SEMA4D: variants seen among roughly 807,000 people sequenced by gnomAD.
The protein encoded by SEMA4D is semaphorin 4D, also known as semaphorin-4D.
SEMA4D carries 22 observed loss-of-function variants against 74.8 expected under a neutral mutation model. The ratio of observed to expected loss-of-function variants is 0.29; its 90% CI spans 0.21 to 0.42. The LOEUF is 0.42. Among genes scored for constraint, SEMA4D ranks in the 10% least tolerant of loss-of-function variants. The pLI is 1.00. For synonymous variants in SEMA4D, 445 were observed against 463.7 expected, an observed-to-expected ratio of 0.96 and a Z score of 0.52; for missense variants, 937 against 1,118.4, an observed-to-expected ratio of 0.84 and a Z score of 2.31.
At chr9:89,432,561 G>A (rs1411422558) in intron 2 of SEMA4D, among the ~76,000 whole-genome samples, 1 of 152,202 alleles carries the variant, frequency 6.6e-6, no homozygotes, top group Non-Finnish European at 1.5e-5. Flanking sequence ...ACCCCGTGGG[G>A]ATTTGCAGGC....
At chr9:89,466,088 T>C (rs1037290166) in intron 1 of SEMA4D, among the ~76,000 whole-genome samples, 2 of 152,114 alleles carry the variant, frequency 1.3e-5, no homozygotes, top group African/African-American at 2.4e-5. Context: ...CAAGGCACCA[T>C]GAAGGGGCAG....
intron 2 of SEMA4D, among the ~76,000 whole-genome samples, chr9:89,442,708 A>T (rs1245414422): frequency 6.6e-6 from 1 of 152,134 alleles, no homozygotes; most frequent in African/African-American, 2.4e-5. Context: ...ATGCAAGGGG[A>T]GGGGAGGGTT....
At chr9:89,368,116 T>G (rs1833963969) in intron 16 of SEMA4D, 1 of 152,564 alleles carries the variant, frequency 6.6e-6, no homozygotes, top group Non-Finnish European at 1.5e-5. Flanking sequence ...CACTGCCATC[T>G]CCTGCAGCAC....
At chr9:89,471,827 G>GAGGTGCATGCCAGCTC (rs764586573) in intron 1 of SEMA4D, among the ~76,000 whole-genome samples, 1 of 131,296 alleles carries the variant, frequency 7.6e-6, no homozygotes, top group Admixed American at 7.4e-5. Context: ...CATACAGGCT[G>GAGGTGCATGCCAGCTC]AGGTGCATGC....
intron 1 of SEMA4D, among the ~76,000 whole-genome samples, chr9:89,474,674 A>G (rs1193460941): frequency 6.6e-6 from 1 of 152,190 alleles, no homozygotes; most frequent in Non-Finnish European, 1.5e-5. Context: ...CTCTCCCCCA[A>G]GCTACAGACA....
At chr9:89,437,158 G>C (rs1850624156) in intron 2 of SEMA4D, among the ~76,000 whole-genome samples, 1 of 152,216 alleles carries the variant, frequency 6.6e-6, no homozygotes, top group Non-Finnish European at 1.5e-5. Flanking sequence ...TCTTTTGTTA[G>C]GGGCTGCAGG....
chr9:89,413,567 T>A (rs1845000303), intron 2 of SEMA4D, among the ~76,000 whole-genome samples: 1 of 152,278 alleles, frequency 6.6e-6, no homozygotes. Flanking sequence ...TGTACACATC[T>A]GTACAGGTGT....
At chr9:89,409,127 GAC>G (rs1843958708) in intron 2 of SEMA4D, among the ~76,000 whole-genome samples, 1 of 152,192 alleles carries the variant, frequency 6.6e-6, no homozygotes, top group Admixed American at 6.5e-5. Context: ...GCCATGAAAA[GAC>G]ACAGAGGAAC....
At chr9:89,475,996 G>A (rs1861644738) in intron 1 of SEMA4D, among the ~76,000 whole-genome samples, 1 of 152,206 alleles carries the variant, frequency 6.6e-6, no homozygotes, top group African/African-American at 2.4e-5. Context: ...TATTACTGAT[G>A]CTTAAATATG....
chr9:89,490,320 T>C (rs1825529818), intron 1 of SEMA4D, among the ~76,000 whole-genome samples: 1 of 152,212 alleles, frequency 6.6e-6, no homozygotes, highest in African/African-American at 2.4e-5. Context: ...CACAGCAACA[T>C]GTAAGAATCT....
chr9:89,414,810 C>T (rs1281106992), intron 2 of SEMA4D, among the ~76,000 whole-genome samples: 1 of 152,206 alleles, frequency 6.6e-6, no homozygotes, highest in Non-Finnish European at 1.5e-5. Context: ...GGGCAGCTGC[C>T]AGGACCAGTC....
intron 4 of SEMA4D, among the ~76,000 whole-genome samples, chr9:89,401,638 A>G (rs1438214404): frequency 3.9e-5 from 6 of 152,140 alleles, no homozygotes; most frequent in Non-Finnish European, 8.8e-5. Flanking sequence ...CTTTAAATCT[A>G]TGACTTCATT....
intron 16 of SEMA4D, among the ~76,000 whole-genome samples, chr9:89,370,780 GGTGGGGTGTATGT>G (rs1201116706): frequency 7.0e-6 from 1 of 143,318 alleles, no homozygotes; most frequent in Non-Finnish European, 1.5e-5. Context: ...GTGTGTGTGG[GGTGGGGTGTATGT>G]GTGGGGTGTG....
At chr9:89,415,722 T>C (rs764813709) in intron 2 of SEMA4D, among the ~76,000 whole-genome samples, 4 of 152,200 alleles carry the variant, frequency 2.6e-5, no homozygotes, top group Non-Finnish European at 4.4e-5. Context: ...ATGTCTGTTT[T>C]TATGTCACCC....
rs1185897161 is a variant in SEMA4D at position 89,485,109 on chromosome 9, C to A, written c.-310+12810G>T. 3.3e-5 allele frequency among the ~76,000 whole-genome samples: 5 copies of A among 152,094 alleles called. No homozygotes were observed. In the East Asian group the frequency reaches 9.6e-4, roughly 29 times the overall value. The stretch of plus-strand genomic sequence containing the variant: ...AAAATCAGAGAAATGTAGACAAGCA[C>A]CAAGGAGAAAACAGAAGGCACGTCA... On this transcript the variant is annotated intron_variant, in intron 1 of 15. Transcript: ENST00000422704.
chr9:89,371,959 T>G (rs1356718119), intron 16 of SEMA4D, among the ~76,000 whole-genome samples: 7 of 112,296 alleles, frequency 6.2e-5, no homozygotes, highest in East Asian at 2.7e-4. Context: ...TGGGGTGTGG[T>G]GTGTGTGGGG....
chr9:89,379,607 C>T lies in SEMA4D; in HGVS notation c.1686G>A (p.Arg562=). The change falls in exon 16 of 16, where the codon CGG becomes CGA. Residue 562 remains arginine, a synonymous_variant. Coordinates refer to ENST00000422704, the MANE Select transcript of SEMA4D (RefSeq NM_001371194.2). ...TGCCACCGTGCTTGAAAAAATGCTGCCGGTAACTTCCTTTACTTTTATCTG... is the reference window on the plus strand; with the variant it reads ...TGCCACCGTGCTTGAAAAAATGCTGTCGGTAACTTCCTTTACTTTTATCTG... ...VCPDKSKGSY[R]QHFFKHGGTA... The T allele has an allele frequency of 6.2e-7, 1 of 1,610,262 alleles. No individual in the cohort carries two copies. Among genetic ancestry groups the T allele is most frequent in the East Asian group, 2.2e-5 (1 of 44,806 alleles).
At chr9:89,439,865 G>A (rs1037497456) in intron 2 of SEMA4D, among the ~76,000 whole-genome samples, 3 of 152,194 alleles carry the variant, frequency 2.0e-5, no homozygotes, top group Non-Finnish European at 4.4e-5. Flanking sequence ...GAAACCGGCC[G>A]ACCCACGATC....
intron 1 of SEMA4D, among the ~76,000 whole-genome samples, chr9:89,480,389 C>T (rs1474617857): frequency 6.6e-6 from 1 of 152,280 alleles, no homozygotes; most frequent in East Asian, 1.9e-4. Context: ...GCAGGTGGAG[C>T]TGCCTGCCAG....
Sources: allele counts gnomAD v4.1 joint callset (sites outside exome capture counted in the v4.1 genomes callset), GRCh38; gene constraint gnomAD v4.1.1; transcripts MANE v1.5; gene names NCBI Gene and HGNC (gene_info 2026-07-23, HGNC 2026-07-21).